The following XKR4 variants were observed in gnomAD, a reference collection of about 807,000 sequenced individuals.
XKR4 encodes the protein XK-related protein 4.
A neutral mutation model predicts 53.9 loss-of-function variants in XKR4; 12 were observed. The ratio of observed to expected loss-of-function variants is 0.22; its 90% CI spans 0.14 to 0.36. The LOEUF is 0.36. XKR4 is among the 10% of genes least tolerant of loss of function. The pLI is 1.00. For missense variants in XKR4, 799 were observed against 859.5 expected (o/e 0.93, Z 0.88); for synonymous variants, 354 against 362.4 (o/e 0.98, Z 0.26).
chr8:55,369,970 G>A (rs1172723337), intron 2 of XKR4, among the ~76,000 whole-genome samples: 1 of 152,112 alleles, frequency 6.6e-6, no homozygotes. Context: ...TGAGGCAGGA[G>A]GATTACTTGA....
chr8:55,393,625 G>A (rs1332263254), intron 2 of XKR4, among the ~76,000 whole-genome samples: 1 of 152,148 alleles, frequency 6.6e-6, no homozygotes, highest in African/African-American at 2.4e-5. Flanking sequence ...TAGAAATCTG[G>A]GAGCAATTTG....
chr8:55,492,535 A>G (rs1357953075), intron 2 of XKR4, among the ~76,000 whole-genome samples: 1 of 152,228 alleles, frequency 6.6e-6, no homozygotes, highest in Non-Finnish European at 1.5e-5. Flanking sequence ...ATTGTGTTCT[A>G]GGCAGTCCTG....
At chr8:55,204,098 C>T (rs1351155415) in intron 1 of XKR4, among the ~76,000 whole-genome samples, 1 of 152,122 alleles carries the variant, frequency 6.6e-6, no homozygotes, top group Non-Finnish European at 1.5e-5. Flanking sequence ...GCAGCCTCAA[C>T]CTCCCGGACT....
chr8:55,462,073 T>C (rs1179068201), intron 2 of XKR4, among the ~76,000 whole-genome samples: 1 of 152,106 alleles, frequency 6.6e-6, no homozygotes, highest in Non-Finnish European at 1.5e-5. Context: ...CAGGAGAACT[T>C]CCCCAATCTA....
chr8:55,179,559 T>G (rs1017376061), intron 1 of XKR4, among the ~76,000 whole-genome samples: 3 of 152,228 alleles, frequency 2.0e-5, no homozygotes, highest in Non-Finnish European at 4.4e-5. Context: ...TTAATCAGCT[T>G]TTTGTACAGA....
At chr8:55,259,105 A>T (rs1224631677) in intron 1 of XKR4, among the ~76,000 whole-genome samples, 1 of 152,182 alleles carries the variant, frequency 6.6e-6, no homozygotes, top group African/African-American at 2.4e-5. Context: ...ACAGTGCATG[A>T]GGTAAGAGAA....
At position 55,540,036 on chromosome 8, in the gene XKR4, T is replaced by C. The variant is rs1269058952; in HGVS notation, c.*15809T>C. The C allele has an allele frequency of 1.3e-5, 2 of 152,214 alleles. No individual in the cohort carries two copies. Among genetic ancestry groups the C allele is most frequent in the Non-Finnish European group, 2.9e-5 (2 of 68,058 alleles). The allele number at this position is 152,214 out of a possible 1,614,324, so 9.4% of individuals were successfully genotyped here. On this transcript the variant is annotated 3_prime_UTR_variant, in exon 3 of 3. Coordinates refer to ENST00000327381, the MANE Select transcript of XKR4 (RefSeq NM_052898.2). ...GTAGAGACAACATGTACTTGAGATA[T>C]AAGCTATACATCTCATCACTGGAAG...
At chr8:55,434,292 T>A (rs562433438) in intron 2 of XKR4, among the ~76,000 whole-genome samples, 1 of 152,280 alleles carries the variant, frequency 6.6e-6, no homozygotes, top group South Asian at 2.1e-4. Context: ...TTAACCTTAT[T>A]CGTAGATTTG....
intron 2 of XKR4, among the ~76,000 whole-genome samples, chr8:55,358,984 T>C (rs1803860646): frequency 6.6e-6 from 1 of 152,228 alleles, no homozygotes; most frequent in Non-Finnish European, 1.5e-5. Flanking sequence ...AGAAAATGTG[T>C]ATTGGTAGCT....
intron 2 of XKR4, among the ~76,000 whole-genome samples, chr8:55,466,042 C>G (rs1055889230): frequency 4.7e-4 from 71 of 152,098 alleles, no homozygotes; most frequent in Non-Finnish European, 7.1e-4. Context: ...GTTGGTGGGA[C>G]TGTAAACTAG....
rs186782221 is a variant in XKR4, at chr8:55,262,266, C to T, written c.807-95412C>T. Among the ~76,000 whole-genome samples the T allele has an allele frequency of 7.2e-4, 110 of 152,264 alleles. No individual in the cohort carries two copies. In the Middle Eastern group the frequency reaches 0.01, roughly 14 times the overall value. On this transcript the variant is annotated intron_variant, in intron 1 of 2. Coordinates refer to ENST00000327381, the MANE Select transcript of XKR4 (RefSeq NM_052898.2). ...TATATAAATTGCCAGAATTAATCCACGTAACAAACGTGTGAGGGAGATATG... is the reference window on the plus strand; with the variant it reads ...TATATAAATTGCCAGAATTAATCCATGTAACAAACGTGTGAGGGAGATATG...
rs1585579424 is a variant in XKR4 at position 55,450,292 on chromosome 8, G to A, written c.1007-72989G>A. 4.3e-6 allele frequency: 3 copies of A among 704,058 alleles called. No individual in the cohort carries two copies. In the South Asian group the frequency reaches 5.1e-5, roughly 12 times the overall value. The allele number at this position is 704,058 out of a possible 1,614,324, so 43.6% of individuals were successfully genotyped here. On this transcript the variant is annotated intron_variant, in intron 2 of 2. Transcript: ENST00000327381. ...TCCCCGAGCCAGTTCCCAGTCATAG[G>A]GAGGGCCCTCGGCCAGCATCTCCTC...
rs1361014154 is a variant in XKR4 at position 55,278,365 on chromosome 8, T to TCA, written c.807-79310_807-79309dup. Among the ~76,000 whole-genome samples the TCA allele has an allele frequency of 2.6e-5, 4 of 151,242 alleles. No homozygotes were observed. In the East Asian group the frequency reaches 7.7e-4, roughly 29 times the overall value. On this transcript the variant is annotated intron_variant, in intron 1 of 2. Transcript: ENST00000327381. ...AAAAAAAAAAAAAAGCATACATCAT[T>TCA]CACAAATTATTATCTATTTATTGTA...
chr8:55,335,615 C>G (rs997980821), intron 1 of XKR4, among the ~76,000 whole-genome samples: 2 of 152,116 alleles, frequency 1.3e-5, no homozygotes, highest in African/African-American at 4.8e-5. Context: ...CACACAAAAT[C>G]CTGTATTTGA....
intron 2 of XKR4, among the ~76,000 whole-genome samples, chr8:55,364,299 C>G (rs961234122): frequency 1.3e-5 from 2 of 152,220 alleles, no homozygotes; most frequent in African/African-American, 4.8e-5. Flanking sequence ...AGTCTTTGCT[C>G]AAATCCAACT....
intron 2 of XKR4, among the ~76,000 whole-genome samples, chr8:55,377,135 C>T (rs1804163632): frequency 6.6e-6 from 1 of 152,144 alleles, no homozygotes; most frequent in Non-Finnish European, 1.5e-5. Context: ...CTGCAGGTTG[C>T]CTCCTCCAGT....
chr8:55,503,552 T>C (rs1361668282), intron 2 of XKR4, among the ~76,000 whole-genome samples: 1 of 152,218 alleles, frequency 6.6e-6, no homozygotes, highest in Non-Finnish European at 1.5e-5. Flanking sequence ...ATTTTATATT[T>C]ATTTTTTATC....
intron 1 of XKR4, among the ~76,000 whole-genome samples, chr8:55,110,359 G>T (rs1003236125): frequency 4.6e-5 from 7 of 152,168 alleles, no homozygotes; most frequent in Non-Finnish European, 1.0e-4. Flanking sequence ...GGAAGACCAT[G>T]GCAAGTTCTC....
intron 2 of XKR4, among the ~76,000 whole-genome samples, chr8:55,364,525 A>G (rs1406392462): frequency 1.3e-5 from 2 of 152,184 alleles, no homozygotes; most frequent in Admixed American, 1.3e-4. Context: ...AAGTTGAGCT[A>G]TGCATTCTGC....
Sources: gnomAD v4.1 joint callset for allele counts (sites outside exome capture counted in the v4.1 genomes callset) on GRCh38, gnomAD v4.1.1 for gene constraint, MANE v1.5 for transcripts, NCBI Gene and HGNC (gene_info 2026-07-23, HGNC 2026-07-21) for gene names.